Variants in APAF1 observed in about 807,000 individuals in gnomAD.
APAF1 encodes apoptotic protease-activating factor 1.
Under a neutral mutation model 152.4 loss-of-function variants are expected in APAF1, and 91 were observed. That is an observed-to-expected ratio of 0.60 (90% CI 0.50 to 0.71). The LOEUF (loss-of-function observed/expected upper bound fraction) is 0.71. Among genes scored for constraint, APAF1 ranks in the 30% least tolerant of loss-of-function variants. The probability of loss-of-function intolerance (pLI) is 0.00; values close to 1 mark genes in which losing one functional copy is unlikely to be tolerated. For missense variants in APAF1, 1,283 were observed against 1,472.0 expected (o/e 0.87, Z 2.10); for synonymous variants, 484 against 494.1 (o/e 0.98, Z 0.27).
intron 4 of APAF1, among the ~76,000 whole-genome samples, chr12:98,655,448 C>T (rs867502774): frequency 0.019 from 2,856 of 150,810 alleles, 11 homozygotes; most frequent in Non-Finnish European, 0.03. Flanking sequence ...GGCGGCCGGC[C>T]GGGCAGGGGG....
intron 12 of APAF1, among the ~76,000 whole-genome samples, chr12:98,677,091 CATT>C (rs1213749523): frequency 6.6e-6 from 1 of 152,158 alleles, no homozygotes; most frequent in Non-Finnish European, 1.5e-5. Flanking sequence ...GCACATGTAT[CATT>C]ATTAATGTAT....
At chr12:98,717,466 C>T (rs1369739985) in intron 22 of APAF1, among the ~76,000 whole-genome samples, 1 of 151,786 alleles carries the variant, frequency 6.6e-6, no homozygotes, top group Non-Finnish European at 1.5e-5. Flanking sequence ...ACCTCCGCCT[C>T]CTGGGTTCAA....
At position 98,732,890 on chromosome 12, in the gene APAF1, G is replaced by A; in HGVS notation, c.*324G>A. 1 of 308,030 alleles carries A rather than the reference G, an allele frequency of 3.2e-6. No homozygotes were observed. Among genetic ancestry groups the A allele is most frequent in the Non-Finnish European group, 6.1e-6 (1 of 163,228 alleles). 19.1% of individuals were successfully genotyped at this position (308,030 alleles called of 1,614,324 possible). A position where few individuals can be genotyped will look rare whatever the true frequency, so the allele number is the denominator to read the frequency against. On this transcript the variant is annotated 3_prime_UTR_variant, in exon 27 of 27. Coordinates refer to ENST00000551964, the MANE Select transcript of APAF1 (RefSeq NM_181861.2). ...TTGACATAATTAATGAGAAGAATTT[G>A]GAAGAAATTGGTATTTTAATACTGT...
intron 26 of APAF1, 53 bp downstream of exon 26, chr12:98,727,369 C>A: frequency 6.3e-7 from 1 of 1,597,858 alleles, no homozygotes. Context: ...ATCATACTTT[C>A]CAAGCTATTT....
Position 98,671,668 on chromosome 12 carries a change from A to C in APAF1, c.1742A>C (p.Lys581Thr). The change falls in exon 12 of 27, where the codon AAG becomes ACG. Residue 581 changes from lysine (K) to threonine (T), a missense_variant. By Grantham distance (78) the Lys-to-Thr change is moderately conservative. Transcript: ENST00000551964. ...ACTTCAGAAGTTTATCAGCAAGCTA[A>C]GCTGCAGGCCAAGCAGGAGGTCGAT... ...PETSEVYQQA[K>T]LQAKQEVDNG... 1 of 1,614,078 alleles carries C rather than the reference A, an allele frequency of 6.2e-7. No individual in the cohort carries two copies. The highest frequency in any genetic ancestry group is 8.5e-7 in the Non-Finnish European group (1 of 1,180,018).
In APAF1 at chr12:98,730,128, A is replaced by C. The variant is rs145099984; in HGVS notation, c.3601-2292A>C. Among the ~76,000 whole-genome samples, 257 of 152,338 alleles carry C rather than the reference A, an allele frequency of 1.7e-3. 6 individuals are homozygous for C. The East Asian group carries it at 0.044, about 26-fold the overall frequency. ...AATTTTTTTAAAAAAGAAAGGATGTATGTTATCCCTTTACAAGGTTTCATT... is the reference window on the plus strand; with the variant it reads ...AATTTTTTTAAAAAAGAAAGGATGTCTGTTATCCCTTTACAAGGTTTCATT... On this transcript the variant is annotated intron_variant, in intron 26 of 26. Coordinates refer to ENST00000551964, the MANE Select transcript of APAF1 (RefSeq NM_181861.2).
chr12:98,653,218 T>C (rs969148641), intron 4 of APAF1, among the ~76,000 whole-genome samples: 5 of 152,192 alleles, frequency 3.3e-5, no homozygotes, highest in African/African-American at 9.7e-5. Flanking sequence ...TACAGGAACA[T>C]TGGATTTTTG....
chr12:98,693,235 A>G (rs887159715), intron 16 of APAF1, among the ~76,000 whole-genome samples: 4 of 151,574 alleles, frequency 2.6e-5, no homozygotes, highest in African/African-American at 9.7e-5. Context: ...CTTTAATGTT[A>G]TTGATGTACA....
chr12:98,653,691 A>AATATATATATATATATATATATATAT (rs1346621120), intron 4 of APAF1, among the ~76,000 whole-genome samples: 1 of 15,096 alleles, frequency 6.6e-5, no homozygotes. Flanking sequence ...AAAAAAAAAA[A>AATATATATATATATATATATATATAT]ATATATATAT....
chr12:98,666,433 ATAG>A, intron 9 of APAF1, 76 bp downstream of exon 9: 1 of 1,414,098 alleles, frequency 7.1e-7, no homozygotes, highest in Non-Finnish European at 9.8e-7. Context: ...AATTTACAAA[ATAG>A]TAGATAGTTT....
At chr12:98,665,283 T>A (rs1002793907) in intron 7 of APAF1, among the ~76,000 whole-genome samples, 84 of 143,130 alleles carry the variant, frequency 5.9e-4, no homozygotes, top group African/African-American at 1.2e-3. Context: ...TATATATTTT[T>A]TTTTTTTTTT....
intron 3 of APAF1, 197 bp from the exon 4 acceptor site, chr12:98,649,290 G>A (rs918901779): frequency 3.4e-6 from 3 of 891,874 alleles, no homozygotes; most frequent in Non-Finnish European, 4.0e-6. Context: ...TAGTCATCTT[G>A]AAGGATATAT....
In APAF1 at chr12:98,648,475, A is replaced by C. The variant is rs776731061; in HGVS notation, c.116A>C (p.Glu39Ala). Reference sequence around the variant, plus strand: ...AGTGATGGATTTTTAACAATATCAGAAGAGGAAAAAGTAAGAAATGAGGTA... The same window carrying C: ...AGTGATGGATTTTTAACAATATCAGCAGAGGAAAAAGTAAGAAATGAGGTA... ...MISDGFLTIS[E>A]EEKVRNEPTQ... is the part of the protein sequence containing the mutation. Residue 39 changes from glutamate to alanine, a missense_variant, in exon 2 of 27, where the codon GAA (glutamate) becomes GCA (alanine). Glu to Ala is a moderately radical substitution (Grantham distance 107). Transcript: ENST00000551964. 3.7e-6 allele frequency: 6 copies of C among 1,613,904 alleles called. No homozygotes were observed. The highest frequency in any genetic ancestry group is 5.1e-6 in the Non-Finnish European group (6 of 1,179,912).
chr12:98,680,502 C>A, intron 14 of APAF1, 100 bp downstream of exon 14: 1 of 1,138,908 alleles, frequency 8.8e-7, no homozygotes, highest in Non-Finnish European at 1.3e-6. Context: ...GGACTCTCAC[C>A]TGTTGATCTA....
intron 26 of APAF1, among the ~76,000 whole-genome samples, chr12:98,728,126 T>C (rs922868871): frequency 6.6e-6 from 1 of 152,088 alleles, no homozygotes; most frequent in Non-Finnish European, 1.5e-5. Flanking sequence ...ATGCCCTCAA[T>C]CCAGAGCTGT....
intron 26 of APAF1, among the ~76,000 whole-genome samples, chr12:98,727,566 T>C (rs990558321): frequency 6.9e-6 from 1 of 144,910 alleles, no homozygotes; most frequent in Non-Finnish European, 1.5e-5. Context: ...AAAAAAAATC[T>C]GGCAGTAAAA....
chr12:98,712,278 T>C (rs1358448115), intron 20 of APAF1, 41 bp from the exon 21 acceptor site: 4 of 1,134,658 alleles, frequency 3.5e-6, no homozygotes, highest in Non-Finnish European at 5.4e-6. Flanking sequence ...CAAAAACTGC[T>C]CTTACAGCCT....
rs748323907 is a variant in APAF1, at chr12:98,677,104, TC to T, written c.1794-320del. Among the ~76,000 whole-genome samples, 37 of 152,362 alleles carry T rather than the reference TC, an allele frequency of 2.4e-4. 2 individuals carry two copies. Among genetic ancestry groups the T allele is most frequent in the Non-Finnish European group, 2.2e-4 (15 of 68,028 alleles). On this transcript the variant is annotated intron_variant, in intron 12 of 26. Transcript: ENST00000551964. ...CTGCACATGTATCATTATTAATGTATCAAAGGAAAATGGAAAGTGACATGTT... is the reference window on the plus strand; with the variant it reads ...CTGCACATGTATCATTATTAATGTATAAAGGAAAATGGAAAGTGACATGTT...
intron 10 of APAF1, among the ~76,000 whole-genome samples, chr12:98,667,973 A>G (rs557389454): frequency 6.6e-6 from 1 of 151,600 alleles, no homozygotes. Flanking sequence ...GGGTTTCACT[A>G]TGTTGCTCAG....
Sources: allele counts gnomAD v4.1 joint callset (sites outside exome capture counted in the v4.1 genomes callset), GRCh38; gene constraint gnomAD v4.1.1; transcripts MANE v1.5; gene names NCBI Gene and HGNC (gene_info 2026-07-23, HGNC 2026-07-21).